TSHZ2: variants seen among roughly 807,000 people sequenced by gnomAD.
TSHZ2 encodes teashirt zinc finger homeobox 2.
A neutral mutation model predicts 74.4 loss-of-function variants in TSHZ2; 21 were observed. That is an observed-to-expected ratio of 0.28 (90% CI 0.20 to 0.41). TSHZ2 has a LOEUF of 0.41. TSHZ2 is among the 10% of genes least tolerant of loss of function. The pLI is 1.00. For missense variants in TSHZ2, 1,244 were observed against 1,293.5 expected (o/e 0.96, Z 0.59); for synonymous variants, 540 against 515.3 (o/e 1.05, Z -0.65).
chr20:53,211,488 T>TAGGGCCCATCAAATTCAG (rs1989302198), intron 1 of TSHZ2, among the ~76,000 whole-genome samples: 1 of 149,980 alleles, frequency 6.7e-6, no homozygotes, highest in African/African-American at 2.5e-5. Flanking sequence ...CCCATCAAAG[T>TAGGGCCCATCAAATTCAG]GTAATAAATT....
At chr20:53,260,102 C>G (rs1379296554) in intron 2 of TSHZ2, among the ~76,000 whole-genome samples, 2 of 151,866 alleles carry the variant, frequency 1.3e-5, no homozygotes, top group Non-Finnish European at 1.5e-5. Flanking sequence ...TCCCTGCATT[C>G]CTTTCATCCT....
At chr20:53,047,863 G>A (rs1214453574) in intron 1 of TSHZ2, among the ~76,000 whole-genome samples, 1 of 152,176 alleles carries the variant, frequency 6.6e-6, no homozygotes, top group Non-Finnish European at 1.5e-5. Flanking sequence ...CATGGATGTG[G>A]TGTTAGGTGC....
chr20:53,385,306 A>G (rs1169568162), intron 2 of TSHZ2, among the ~76,000 whole-genome samples: 4 of 152,144 alleles, frequency 2.6e-5, no homozygotes, highest in Non-Finnish European at 4.4e-5. Flanking sequence ...TTGACTTATG[A>G]TATTTCAGTT....
intron 1 of TSHZ2, among the ~76,000 whole-genome samples, chr20:53,163,360 CTTTTTTTTTTTTTTTTT>C (rs55685519): frequency 1.5e-5 from 1 of 65,634 alleles, no homozygotes; most frequent in African/African-American, 5.5e-5. Context: ...CTCTCTGTCT[CTTTTTTTTTTTTTTTTT>C]TTTTTTTTTG....
intron 1 of TSHZ2, among the ~76,000 whole-genome samples, chr20:53,005,037 GC>G (rs1257551689): frequency 6.6e-6 from 1 of 152,174 alleles, no homozygotes; most frequent in Non-Finnish European, 1.5e-5. Context: ...TTTAAGCCGG[GC>G]CTGGTGGCTC....
At chr20:53,134,614 C>T (rs1987195246) in intron 1 of TSHZ2, among the ~76,000 whole-genome samples, 1 of 152,172 alleles carries the variant, frequency 6.6e-6, no homozygotes, top group Admixed American at 6.5e-5. Flanking sequence ...CAGCAACTTG[C>T]TTTGCTCACT....
chr20:53,329,824 G>C (rs1275047543), intron 2 of TSHZ2, among the ~76,000 whole-genome samples: 5 of 152,066 alleles, frequency 3.3e-5, no homozygotes, highest in African/African-American at 1.2e-4. Context: ...AAGAGAAAGA[G>C]AGAGAGAGAG....
At chr20:53,223,336 C>T (rs1989607347) in intron 1 of TSHZ2, among the ~76,000 whole-genome samples, 1 of 152,100 alleles carries the variant, frequency 6.6e-6, no homozygotes, top group South Asian at 2.1e-4. Context: ...AAGAATTATG[C>T]CAAGCTTTTT....
intron 2 of TSHZ2, among the ~76,000 whole-genome samples, chr20:53,295,436 G>A (rs1173693255): frequency 3.3e-5 from 5 of 150,538 alleles, no homozygotes; most frequent in Non-Finnish European, 5.9e-5. Flanking sequence ...GTGTGTGCAC[G>A]TGTATGACTT....
chr20:53,075,485 A>C (rs1199169146), intron 1 of TSHZ2, among the ~76,000 whole-genome samples: 2 of 152,248 alleles, frequency 1.3e-5, no homozygotes, highest in Non-Finnish European at 2.9e-5. Flanking sequence ...AAAGCACTGC[A>C]TGCCAAGCTA....
intron 2 of TSHZ2, among the ~76,000 whole-genome samples, chr20:53,468,064 C>T (rs1473613357): frequency 6.6e-6 from 1 of 152,080 alleles, no homozygotes; most frequent in East Asian, 1.9e-4. Context: ...TAACACTGGG[C>T]TCCATCTCTT....
chr20:53,452,534 G>A (rs1046745149), intron 2 of TSHZ2, among the ~76,000 whole-genome samples: 2 of 151,254 alleles, frequency 1.3e-5, no homozygotes, highest in Non-Finnish European at 2.9e-5. Context: ...GGGAGGTGGA[G>A]CCTGCAGTGA....
chr20:53,254,277 G>A lies in TSHZ2; in HGVS notation c.819G>A (p.Lys273=), dbSNP rs1343596890. Residue 273 remains lysine, a synonymous_variant, in exon 2 of 3, where the codon AAG becomes AAA. Transcript: ENST00000371497. Reference sequence around the variant, plus strand: ...ATATGGACAAAGAGGATGCTCAAAAGGTTCTGAAATGTATGTTTTGTGGCG... The same window carrying A: ...ATATGGACAAAGAGGATGCTCAAAAAGTTCTGAAATGTATGTTTTGTGGCG... ...FQDMDKEDAQ[K]VLKCMFCGDS... is the part of the protein sequence containing the mutation. The A allele has an allele frequency of 1.9e-6, 3 of 1,614,114 alleles. No homozygotes were observed. Among genetic ancestry groups the A allele is most frequent in the African/African-American group, 1.3e-5 (1 of 75,026 alleles).
intron 2 of TSHZ2, among the ~76,000 whole-genome samples, chr20:53,257,320 G>A (rs1292343679): frequency 1.3e-5 from 2 of 152,152 alleles, no homozygotes; most frequent in Admixed American, 1.3e-4. Flanking sequence ...CTTTAACAAA[G>A]ATAGAGGCAA....
chr20:52,997,249 C>T (rs73913016), intron 1 of TSHZ2, among the ~76,000 whole-genome samples: 12,657 of 132,378 alleles, frequency 0.096, 636 homozygotes, highest in Non-Finnish European at 0.13. Flanking sequence ...TTCCTGTGCT[C>T]ATCTTGCCCC....
intron 1 of TSHZ2, among the ~76,000 whole-genome samples, chr20:53,184,956 G>C (rs556488651): frequency 6.6e-6 from 1 of 152,166 alleles, no homozygotes; most frequent in South Asian, 2.1e-4. Flanking sequence ...TGATCTGCCC[G>C]CATTGGCCTC....
At chr20:53,099,517 G>A (rs1158614924) in intron 1 of TSHZ2, among the ~76,000 whole-genome samples, 3 of 152,040 alleles carry the variant, frequency 2.0e-5, no homozygotes, top group African/African-American at 7.2e-5. Context: ...GCACATTTTT[G>A]TTTACTTATT....
chr20:53,356,997 C>G (rs1199933072), intron 2 of TSHZ2, among the ~76,000 whole-genome samples: 3 of 151,898 alleles, frequency 2.0e-5, no homozygotes, highest in Non-Finnish European at 4.4e-5. Flanking sequence ...CTCAAGGGAC[C>G]TAAAGTTTGT....
At chr20:53,418,503 C>T (rs536446888) in intron 2 of TSHZ2, among the ~76,000 whole-genome samples, 6 of 152,250 alleles carry the variant, frequency 3.9e-5, no homozygotes, top group African/African-American at 1.2e-4. Flanking sequence ...GTGAAAGGCA[C>T]GTCTCACATG....
Sources: gnomAD v4.1 joint callset for allele counts (sites outside exome capture counted in the v4.1 genomes callset) on GRCh38, gnomAD v4.1.1 for gene constraint, MANE v1.5 for transcripts, NCBI Gene and HGNC (gene_info 2026-07-23, HGNC 2026-07-21) for gene names.